Variants in DPPA2 observed in about 807,000 individuals in gnomAD.
DPPA2 encodes developmental pluripotency-associated protein 2.
In DPPA2, 26 loss-of-function variants were observed where a neutral mutation model predicts 36.2. The observed-to-expected ratio is 0.72, with a 90% CI of 0.53 to 1.00. The LOEUF (loss-of-function observed/expected upper bound fraction) is 1.00, where lower values mean the gene tolerates loss of function less well. Among genes scored for constraint, DPPA2 ranks in the 50% least tolerant of loss-of-function variants. The pLI, the probability that DPPA2 is intolerant of heterozygous loss-of-function variation, is 0.00. For missense variants in DPPA2, 361 were observed against 365.1 expected (o/e 0.99, Z 0.09); for synonymous variants, 113 against 123.2 (o/e 0.92, Z 0.55).
At position 109,308,088 on chromosome 3, in the gene DPPA2, G is replaced by T. The variant is rs767620826; in HGVS notation, c.602C>A (p.Ala201Asp). ...AACAGGAATGGAACATGAATTCAAA[G>T]CCTTAGGCTGAACAGCTCTTGCAGC... ...RIAARAVQPK[A>D]LNSCSIPVSV... is the part of the protein sequence containing the mutation. The change falls in exon 6 of 9, where the codon GCT becomes GAT. Residue 201 changes from alanine to aspartate, a missense_variant. Ala to Asp is a moderately radical substitution (Grantham distance 126). Transcript: ENST00000478945. The T allele has an allele frequency of 6.2e-6, 10 of 1,614,220 alleles. No individual in the cohort carries two copies. In the South Asian group the frequency reaches 1.1e-4, roughly 18 times the overall value.
At chr3:109,309,123 C>A (rs752564717) in intron 4 of DPPA2, 44 bp from the exon 5 acceptor site, 227 of 1,614,000 alleles carry the variant, frequency 1.4e-4, no homozygotes, top group Non-Finnish European at 1.9e-4. Context: ...TTGACAAAGA[C>A]TCCCATAATT....
chr3:109,294,797 G>A (rs145229364), intron 8 of DPPA2, among the ~76,000 whole-genome samples: 206 of 152,284 alleles, frequency 1.4e-3, no homozygotes, highest in African/African-American at 4.7e-3. Context: ...ACCGAGGTGG[G>A]TGGATCACGA....
chr3:109,305,997 G>C (rs776933599), intron 6 of DPPA2, among the ~76,000 whole-genome samples: 1 of 152,094 alleles, frequency 6.6e-6, no homozygotes, highest in Non-Finnish European at 1.5e-5. Context: ...TTAAGGAGAC[G>C]GGATATTTGC....
chr3:109,310,725 C>A (rs1046689381), intron 3 of DPPA2, among the ~76,000 whole-genome samples: 1 of 150,960 alleles, frequency 6.6e-6, no homozygotes, highest in East Asian at 2.0e-4. Flanking sequence ...AGGCTGGTCT[C>A]GAACGCCTGA....
rs1314274626 is a variant in DPPA2, at chr3:109,308,946, A to G, written c.396+80T>C. On this transcript the variant is annotated intron_variant, in intron 5 of 8. Coordinates refer to ENST00000478945, the MANE Select transcript of DPPA2 (RefSeq NM_138815.4). ...AAACCCTGCCTTAGAGGTACAACACATAGATATGGTGCGACGGTAGGGACC... is the reference window on the plus strand; with the variant it reads ...AAACCCTGCCTTAGAGGTACAACACGTAGATATGGTGCGACGGTAGGGACC... 3.9e-6 allele frequency: 6 copies of G among 1,527,274 alleles called. No homozygotes were observed. In the South Asian group the frequency reaches 4.5e-5, roughly 11 times the overall value. 94.6% of individuals were successfully genotyped at this position (1,527,274 alleles called of 1,614,324 possible).
chr3:109,304,723 C>A, intron 6 of DPPA2, 53 bp from the exon 7 acceptor site: 1 of 1,514,772 alleles, frequency 6.6e-7, no homozygotes, highest in Non-Finnish European at 8.9e-7. Flanking sequence ...CACCCCAACA[C>A]AACCTCTCAG....
At chr3:109,298,401 G>A (rs1559694251) in intron 8 of DPPA2, among the ~76,000 whole-genome samples, 2 of 151,878 alleles carry the variant, frequency 1.3e-5, no homozygotes, top group Admixed American at 6.6e-5. Flanking sequence ...GAAACATGGT[G>A]AGACCCCATC....
At chr3:109,298,767 G>A (rs1184616654) in intron 8 of DPPA2, among the ~76,000 whole-genome samples, 1 of 151,728 alleles carries the variant, frequency 6.6e-6, no homozygotes, top group African/African-American at 2.4e-5. Context: ...AGTGGCTCAC[G>A]CCTGTAATCC....
At chr3:109,300,627 G>C (rs1371738137) in intron 7 of DPPA2, among the ~76,000 whole-genome samples, 192 bp from the exon 8 acceptor site, 1 of 152,006 alleles carries the variant, frequency 6.6e-6, no homozygotes, top group Non-Finnish European at 1.5e-5. Flanking sequence ...TTTGAGACCA[G>C]CCTGACCAAT....
chr3:109,314,615 T>C, intron 1 of DPPA2, 60 bp from the exon 2 acceptor site: 1 of 1,485,006 alleles, frequency 6.7e-7, no homozygotes, highest in South Asian at 1.3e-5. Flanking sequence ...TTAACCTGCT[T>C]TCTCCTTTTA....
chr3:109,299,471 C>T (rs11924807), intron 8 of DPPA2, among the ~76,000 whole-genome samples: 55,253 of 151,576 alleles, frequency 0.36, 10,545 homozygotes, highest in East Asian at 0.63. Flanking sequence ...GAGCTGAGAT[C>T]ACGCCACTGC....
intron 8 of DPPA2, among the ~76,000 whole-genome samples, chr3:109,297,298 C>T (rs1375869957): frequency 1.3e-5 from 2 of 151,756 alleles, no homozygotes; most frequent in Admixed American, 1.3e-4. Flanking sequence ...CCAAGGTGGG[C>T]AGATCACCTG....
At chr3:109,302,698 C>T (rs1022074382) in intron 7 of DPPA2, among the ~76,000 whole-genome samples, 3 of 150,702 alleles carry the variant, frequency 2.0e-5, no homozygotes, top group South Asian at 2.1e-4. Context: ...GTGATCCGCC[C>T]GCCTCGGTCT....
chr3:109,313,661 T>A (rs1707744852), intron 2 of DPPA2, among the ~76,000 whole-genome samples: 1 of 152,172 alleles, frequency 6.6e-6, no homozygotes, highest in Non-Finnish European at 1.5e-5. Flanking sequence ...GGTTCTGAAG[T>A]TAGCTTTTCT....
chr3:109,309,308 C>T lies in DPPA2; in HGVS notation c.204G>A (p.Glu68=). 1 of 1,614,038 alleles carries T rather than the reference C, an allele frequency of 6.2e-7. No homozygotes were observed. The highest frequency in any genetic ancestry group is 8.5e-7 in the Non-Finnish European group (1 of 1,179,968). The change falls in exon 4 of 9, where the codon GAG becomes GAA. Residue 68 remains glutamate (E), a synonymous_variant. Transcript: ENST00000478945. ...TAGCTTTTTGTGGAGCTGTAAATTG[C>T]TCATTTGTTTGAAGTAGATGACCTA... ...YNPGHLLQTN[E]QFTAPQKARC...
chr3:109,296,033 T>C (rs893574285), intron 8 of DPPA2, among the ~76,000 whole-genome samples: 2 of 152,050 alleles, frequency 1.3e-5, no homozygotes, highest in African/African-American at 4.8e-5. Context: ...TAAAAAGAAC[T>C]GAATATCCAA....
chr3:109,304,585 G>A lies in DPPA2; in HGVS notation c.744C>T (p.Ala248=). 1.2e-6 allele frequency: 2 copies of A among 1,614,058 alleles called. No individual in the cohort carries two copies. Among genetic ancestry groups the A allele is most frequent in the Non-Finnish European group, 1.7e-6 (2 of 1,180,014 alleles). Residue 248 remains alanine, a synonymous_variant, in exon 7 of 9, where the codon GCC becomes GCT. Coordinates refer to ENST00000478945, the MANE Select transcript of DPPA2 (RefSeq NM_138815.4). ...WVRLQFHAGQ[A]WVPTTHRRMI... is the part of the protein sequence containing the mutation. ...TCCTCCTGTGAGTGGTAGGCACCCA[G>A]GCCTGACCTGCATGAAACTGCAGGC...
intron 7 of DPPA2, among the ~76,000 whole-genome samples, chr3:109,303,497 G>A (rs1036840022): frequency 6.6e-6 from 1 of 151,792 alleles, no homozygotes; most frequent in African/African-American, 2.4e-5. Flanking sequence ...AGTCTCCCGA[G>A]TAGCTGGGAT....
At chr3:109,314,791 G>A (rs536748631) in intron 1 of DPPA2, among the ~76,000 whole-genome samples, 1 of 152,224 alleles carries the variant, frequency 6.6e-6, no homozygotes, top group Admixed American at 6.5e-5. Context: ...GGCTGGGTGC[G>A]ATGGCTCATG....
Sources: allele counts gnomAD v4.1 joint callset (sites outside exome capture counted in the v4.1 genomes callset), GRCh38; gene constraint gnomAD v4.1.1; transcripts MANE v1.5; gene names NCBI Gene and HGNC (gene_info 2026-07-23, HGNC 2026-07-21).